The following KIAA0825 variants were observed in gnomAD, a reference collection of about 807,000 sequenced individuals.
KIAA0825 encodes the protein KIAA0825.
In KIAA0825, 119 loss-of-function variants were observed where a neutral mutation model predicts 147.6. That is an observed-to-expected ratio of 0.81 (90% CI 0.69 to 0.94). The LOEUF (loss-of-function observed/expected upper bound fraction) is 0.94, where lower values mean the gene tolerates loss of function less well. Among genes scored for constraint, KIAA0825 ranks in the 40% least tolerant of loss-of-function variants. The pLI is 0.00. For synonymous variants in KIAA0825, 470 were observed against 518.1 expected, an observed-to-expected ratio of 0.91 and a Z score of 1.26; for missense variants, 1,381 against 1,472.7, an observed-to-expected ratio of 0.94 and a Z score of 1.02.
At position 94,598,163 on chromosome 5, in the gene KIAA0825, T is replaced by C. The variant is rs181171808; in HGVS notation, c.-152-15580A>G. On this transcript the variant is annotated intron_variant, in intron 1 of 20. Transcript: ENST00000682413. Reference sequence around the variant, plus strand: ...ACTTAAAATTATTTTTTTACTTTTGTGTAATAACAGTTAGCATAAAACACA... The same window carrying C: ...ACTTAAAATTATTTTTTTACTTTTGCGTAATAACAGTTAGCATAAAACACA... 9.2e-5 allele frequency among the ~76,000 whole-genome samples: 14 copies of C among 152,234 alleles called. No homozygotes were observed. The East Asian group carries it at 2.5e-3, about 27-fold the overall frequency.
chr5:94,538,034 C>T (rs941045022), intron 2 of KIAA0825, among the ~76,000 whole-genome samples: 1 of 152,168 alleles, frequency 6.6e-6, no homozygotes, highest in Non-Finnish European at 1.5e-5. Context: ...CATTCATTCT[C>T]TCTATATACT....
chr5:94,211,785 A>C (rs893466525), intron 20 of KIAA0825, among the ~76,000 whole-genome samples: 3 of 152,172 alleles, frequency 2.0e-5, no homozygotes, highest in Admixed American at 2.0e-4. Context: ...TATTGGATCC[A>C]AGTGAACATT....
At chr5:94,590,138 G>C (rs1459607131) in intron 1 of KIAA0825, among the ~76,000 whole-genome samples, 3 of 152,060 alleles carry the variant, frequency 2.0e-5, no homozygotes, top group Non-Finnish European at 4.4e-5. Context: ...GGGACTACAG[G>C]CATGCGCCAC....
At chr5:94,421,583 C>G (rs982729928) in intron 14 of KIAA0825, among the ~76,000 whole-genome samples, 5 of 152,198 alleles carry the variant, frequency 3.3e-5, no homozygotes, top group African/African-American at 1.2e-4. Context: ...TTCCCCTTCT[C>G]AAAATGAATT....
intron 20 of KIAA0825, among the ~76,000 whole-genome samples, chr5:94,382,970 A>G (rs1748616916): frequency 6.6e-6 from 1 of 152,230 alleles, no homozygotes; most frequent in Admixed American, 6.5e-5. Context: ...TAGGAAAATA[A>G]TTACTTACCT....
chr5:94,476,613 T>C (rs1413580929), intron 7 of KIAA0825, among the ~76,000 whole-genome samples: 19 of 152,164 alleles, frequency 1.2e-4, no homozygotes, highest in Admixed American at 1.3e-4. Context: ...CCATGAGGTC[T>C]TCCATCAATG....
At chr5:94,400,546 T>C (rs955439695) in intron 16 of KIAA0825, among the ~76,000 whole-genome samples, 2 of 152,260 alleles carry the variant, frequency 1.3e-5, no homozygotes, top group East Asian at 1.9e-4. Flanking sequence ...GAATTCATTG[T>C]TTCCATTAAG....
At chr5:94,331,365 C>A (rs982769538) in intron 20 of KIAA0825, among the ~76,000 whole-genome samples, 5 of 152,154 alleles carry the variant, frequency 3.3e-5, no homozygotes, top group Non-Finnish European at 7.4e-5. Flanking sequence ...CGAAACAACT[C>A]ATTCAAGAAG....
At chr5:94,253,248 C>T (rs922446273) in intron 20 of KIAA0825, among the ~76,000 whole-genome samples, 5 of 151,980 alleles carry the variant, frequency 3.3e-5, no homozygotes, top group African/African-American at 9.7e-5. Flanking sequence ...ATAGTGCAAC[C>T]GTATGCTAGA....
At chr5:94,159,552 CAAT>C (rs777403760) in intron 20 of KIAA0825, among the ~76,000 whole-genome samples, 5 of 151,948 alleles carry the variant, frequency 3.3e-5, no homozygotes, top group Non-Finnish European at 4.4e-5. Flanking sequence ...ATCAATCAAT[CAAT>C]AATATAATAT....
intron 20 of KIAA0825, among the ~76,000 whole-genome samples, chr5:94,193,459 A>T (rs147917325): frequency 1.3e-5 from 2 of 152,332 alleles, no homozygotes; most frequent in African/African-American, 4.8e-5. Context: ...GAAGTAATTC[A>T]GCCAAGGTTA....
At chr5:94,376,173 C>G (rs1747539447) in intron 20 of KIAA0825, among the ~76,000 whole-genome samples, 1 of 152,156 alleles carries the variant, frequency 6.6e-6, no homozygotes. Flanking sequence ...GGTAAGCACT[C>G]TGTATGTTTG....
intron 20 of KIAA0825, among the ~76,000 whole-genome samples, chr5:94,216,774 A>AT (rs1314853031): frequency 6.6e-6 from 1 of 152,158 alleles, no homozygotes; most frequent in South Asian, 2.1e-4. Context: ...TAGCTTCCTA[A>AT]TTTTTTTTCA....
intron 6 of KIAA0825, among the ~76,000 whole-genome samples, chr5:94,478,779 AT>A (rs1040976199): frequency 6.6e-6 from 1 of 152,160 alleles, no homozygotes; most frequent in Non-Finnish European, 1.5e-5. Context: ...AAATATGGAA[AT>A]TTTTTTAAAA....
intron 20 of KIAA0825, among the ~76,000 whole-genome samples, chr5:94,177,909 G>C (rs535577694): frequency 6.6e-6 from 1 of 152,034 alleles, no homozygotes; most frequent in Non-Finnish European, 1.5e-5. Context: ...CTTATGGAAC[G>C]TATACCAGTG....
At chr5:94,298,478 A>G (rs1033521370) in intron 20 of KIAA0825, among the ~76,000 whole-genome samples, 1 of 152,206 alleles carries the variant, frequency 6.6e-6, no homozygotes, top group African/African-American at 2.4e-5. Context: ...AAAAATGCCC[A>G]GAAATTTGAA....
chr5:94,462,542 G>A lies in KIAA0825; in HGVS notation c.2091C>T (p.Cys697=), dbSNP rs2150954962. 2 of 1,513,732 alleles carry A rather than the reference G, an allele frequency of 1.3e-6. No individual in the cohort carries two copies. Among genetic ancestry groups the A allele is most frequent in the South Asian group, 2.6e-5 (2 of 76,912 alleles). 93.8% of individuals were successfully genotyped at this position (1,513,732 alleles called of 1,614,324 possible). ...LRLDVTTILI[C]TENMLWSVCT... ...AAACTGACCATAACATGTTCTCAGT[G>A]CATATCAAAATTGTTGTGACATCAA... Residue 697 remains cysteine (C), a synonymous_variant, in exon 12 of 21, where the codon TGC becomes TGT. Transcript: ENST00000682413.
At chr5:94,313,637 T>C (rs2150214811) in intron 20 of KIAA0825, among the ~76,000 whole-genome samples, 1 of 150,732 alleles carries the variant, frequency 6.6e-6, no homozygotes, top group East Asian at 2.0e-4. Context: ...TTTTGTATCT[T>C]GGCTCTGTTC....
intron 5 of KIAA0825, among the ~76,000 whole-genome samples, chr5:94,495,181 C>G (rs1487408372): frequency 6.6e-6 from 1 of 152,170 alleles, no homozygotes; most frequent in Admixed American, 6.5e-5. Flanking sequence ...TAGTGCCCAC[C>G]TGAAAAGCTG....
Sources: gnomAD v4.1 joint callset for allele counts (sites outside exome capture counted in the v4.1 genomes callset) on GRCh38, gnomAD v4.1.1 for gene constraint, MANE v1.5 for transcripts, NCBI Gene and HGNC (gene_info 2026-07-23, HGNC 2026-07-21) for gene names.